The following AEBP2 variants were observed in gnomAD, a reference collection of about 807,000 sequenced individuals.
AEBP2 encodes the protein zinc finger protein AEBP2.
In AEBP2, 10 loss-of-function variants were observed where a neutral mutation model predicts 50.8. That is an observed-to-expected ratio of 0.20 (90% CI 0.12 to 0.33). The LOEUF (loss-of-function observed/expected upper bound fraction) is 0.33. Among genes scored for constraint, AEBP2 ranks in the 10% least tolerant of loss-of-function variants. AEBP2 has a pLI of 1.00. For missense variants in AEBP2, 570 were observed against 688.0 expected, an observed-to-expected ratio of 0.83 and a Z score of 1.92; for synonymous variants, 296 against 261.3, an observed-to-expected ratio of 1.13 and a Z score of -1.28.
At chr12:19,437,999 T>G (rs779048504), upstream of AEBP2, among the ~76,000 whole-genome samples, 10 of 152,188 alleles carry the variant, frequency 6.6e-5, no homozygotes, top group Non-Finnish European at 1.5e-4. Flanking sequence ...TGTCCTTGGG[T>G]CAGGGTGTAA....
chr12:19,472,822 AT>A (rs932281680), intron 2 of AEBP2, among the ~76,000 whole-genome samples: 104 of 152,096 alleles, frequency 6.8e-4, no homozygotes, highest in Non-Finnish European at 1.1e-3. Context: ...CATTTCATTA[AT>A]TTTTTTATAC....
chr12:19,457,439 AC>A, intron 1 of AEBP2: 1 of 1,523,552 alleles, frequency 6.6e-7, no homozygotes, highest in African/African-American at 1.4e-5. Context: ...TAATGGTGAT[AC>A]CACGTTCACG....
At chr12:19,407,836 G>A (rs571512971) in intron 1 of AEBP2, among the ~76,000 whole-genome samples, 1 of 152,230 alleles carries the variant, frequency 6.6e-6, no homozygotes, top group South Asian at 2.1e-4. Flanking sequence ...GTCACCTGAG[G>A]TTGGGAGTTC....
In AEBP2 at chr12:19,518,656, C is replaced by A; in HGVS notation, c.*539C>A. 2 of 1,464,788 alleles carry A rather than the reference C, an allele frequency of 1.4e-6. No homozygotes were observed. The highest frequency in any genetic ancestry group is 2.7e-5 in the South Asian group (2 of 72,964). 90.7% of individuals were successfully genotyped at this position (1,464,788 alleles called of 1,614,324 possible). ...ATGATAAATAGATGTGATTGGTTGCCATTTGTGTTCTTTTGCAGAACTCTG... is the reference window on the plus strand; with the variant it reads ...ATGATAAATAGATGTGATTGGTTGCAATTTGTGTTCTTTTGCAGAACTCTG... On this transcript the variant is annotated 3_prime_UTR_variant, in exon 8 of 8. Coordinates refer to ENST00000266508, the MANE Select transcript of AEBP2 (RefSeq NM_153207.5).
At position 19,496,096 on chromosome 12, in the gene AEBP2, T is replaced by C. The variant is rs372183822; in HGVS notation, c.1174+2110T>C. On this transcript the variant is annotated intron_variant, in intron 4 of 7. Transcript: ENST00000266508. ...ATTATTTTAGTCTCAGTGTATACAG[T>C]AATCATTTAAATTTTCTGACTTTTC... 2.6e-5 allele frequency among the ~76,000 whole-genome samples: 4 copies of C among 152,304 alleles called. No homozygotes were observed. The East Asian group carries it at 7.7e-4, about 29-fold the overall frequency.
intron 3 of AEBP2, among the ~76,000 whole-genome samples, chr12:19,479,063 G>A (rs1186105000): frequency 6.6e-6 from 1 of 152,088 alleles, no homozygotes; most frequent in African/African-American, 2.4e-5. Context: ...AAAAGAATTA[G>A]TTGAACATGG....
intron 3 of AEBP2, among the ~76,000 whole-genome samples, chr12:19,479,996 G>A (rs548698487): frequency 1.3e-5 from 2 of 151,928 alleles, no homozygotes; most frequent in African/African-American, 4.8e-5. Context: ...ATTGAGATAT[G>A]AAGTACTGTT....
In AEBP2 at chr12:19,519,876, T is replaced by C. The variant is rs551713347; in HGVS notation, c.*1759T>C. 11 of 152,536 alleles carry C rather than the reference T, an allele frequency of 7.2e-5. No homozygotes were observed. The highest frequency in any genetic ancestry group is 2.6e-4 in the African/African-American group (11 of 41,582). 9.4% of individuals were successfully genotyped at this position (152,536 alleles called of 1,614,324 possible). A position where few individuals can be genotyped will look rare whatever the true frequency, so the allele number is the denominator to read the frequency against. On this transcript the variant is annotated 3_prime_UTR_variant, in exon 8 of 8. Coordinates refer to ENST00000266508, the MANE Select transcript of AEBP2 (RefSeq NM_153207.5). Reference sequence around the variant, plus strand: ...GAAGTGCAAATAAAAGCACTGCTACTATAAGACATTCTGGAATGGTTGTTT... The same window carrying C: ...GAAGTGCAAATAAAAGCACTGCTACCATAAGACATTCTGGAATGGTTGTTT...
At chr12:19,494,049 A>G in intron 4 of AEBP2, 63 bp downstream of exon 4, 2 of 1,467,088 alleles carry the variant, frequency 1.4e-6, no homozygotes, top group Non-Finnish European at 9.1e-7. Flanking sequence ...TTAGACTTTT[A>G]TGCAAATCCA....
intron 1 of AEBP2, among the ~76,000 whole-genome samples, chr12:19,409,202 A>T (rs2095737952): frequency 6.6e-6 from 1 of 152,146 alleles, no homozygotes; most frequent in African/African-American, 2.4e-5. Context: ...TGCATCATTT[A>T]ATCTACTTGC....
chr12:19,502,862 G>A (rs1481257829), intron 5 of AEBP2, among the ~76,000 whole-genome samples: 2 of 152,052 alleles, frequency 1.3e-5, no homozygotes, highest in South Asian at 2.1e-4. Flanking sequence ...TGGTCAGGCT[G>A]GTCTCGAACT....
intron 3 of AEBP2, among the ~76,000 whole-genome samples, chr12:19,483,543 G>T (rs1187472078): frequency 1.3e-5 from 2 of 152,150 alleles, no homozygotes; most frequent in Non-Finnish European, 2.9e-5. Context: ...AAAGTTCACG[G>T]TGCGAGTCTC....
chr12:19,509,668 G>A (rs1237164482), intron 5 of AEBP2, among the ~76,000 whole-genome samples: 1 of 152,092 alleles, frequency 6.6e-6, no homozygotes, highest in Non-Finnish European at 1.5e-5. Context: ...GAATACTCAA[G>A]GCTAGGAGAC....
chr12:19,456,919 G>A (rs1375555946), intron 1 of AEBP2: 22 of 1,444,188 alleles, frequency 1.5e-5, no homozygotes, highest in Non-Finnish European at 2.0e-5. Context: ...AGTTGGATGA[G>A]TTGGTGGTAG....
intron 1 of AEBP2, among the ~76,000 whole-genome samples, chr12:19,421,344 CAAA>C (rs375160231): frequency 4.9e-5 from 4 of 82,448 alleles, no homozygotes; most frequent in African/African-American, 1.4e-4. Context: ...GACTCTGTCT[CAAA>C]AAAAAAAAAA....
At chr12:19,408,771 C>T (rs775678061) in intron 1 of AEBP2, among the ~76,000 whole-genome samples, 6 of 151,714 alleles carry the variant, frequency 4.0e-5, no homozygotes, top group East Asian at 2.0e-4. Flanking sequence ...GGCATGGTGG[C>T]GCACACCTGT....
chr12:19,516,120 A>G (rs1444779619), intron 7 of AEBP2, among the ~76,000 whole-genome samples: 1 of 152,184 alleles, frequency 6.6e-6, no homozygotes, highest in African/African-American at 2.4e-5. Context: ...TCTTTTGGTG[A>G]AAGTGCTAAT....
intron 5 of AEBP2, among the ~76,000 whole-genome samples, chr12:19,504,056 T>A (rs1200993532): frequency 6.6e-6 from 1 of 152,154 alleles, no homozygotes; most frequent in East Asian, 1.9e-4. Context: ...TTGTCTTGTT[T>A]ATGGACTAAA....
rs138838634 is a variant in AEBP2, at chr12:19,473,137, A to G, written c.880-111A>G. On this transcript the variant is annotated intron_variant, in intron 2 of 7. Coordinates refer to ENST00000266508, the MANE Select transcript of AEBP2 (RefSeq NM_153207.5). ...AGCATTTTGATTGGCTTGTACATTC[A>G]GTAGCTCTTGTCAGTTGAAGAGTTG... 316 of 409,976 alleles carry G rather than the reference A, an allele frequency of 7.7e-4. 1 individual carries two copies. The highest frequency in any genetic ancestry group is 6.3e-3 in the African/African-American group (296 of 47,318). 25.4% of individuals were successfully genotyped at this position (409,976 alleles called of 1,614,324 possible).
Sources: gnomAD v4.1 joint callset for allele counts (sites outside exome capture counted in the v4.1 genomes callset) on GRCh38, gnomAD v4.1.1 for gene constraint, MANE v1.5 for transcripts, NCBI Gene and HGNC (gene_info 2026-07-23, HGNC 2026-07-21) for gene names.